The following AHSA1 variants were observed in gnomAD, a reference collection of about 807,000 sequenced individuals.
AHSA1 encodes activator of HSP90 ATPase activity 1, also known as activator of 90 kDa heat shock protein ATPase homolog 1.
Under a neutral mutation model 46.1 loss-of-function variants are expected in AHSA1, and 14 were observed. The ratio of observed to expected loss-of-function variants is 0.30; its 90% CI spans 0.20 to 0.47. AHSA1 has a LOEUF of 0.47. Ranked by LOEUF, AHSA1 falls within the 20% of genes least tolerant of loss-of-function variation. The probability of loss-of-function intolerance (pLI) is 0.99; values close to 1 mark genes in which losing one functional copy is unlikely to be tolerated. For synonymous variants in AHSA1, 147 were observed against 145.8 expected, an observed-to-expected ratio of 1.01 and a Z score of -0.06; for missense variants, 333 against 415.9, an observed-to-expected ratio of 0.80 and a Z score of 1.73.
intron 2 of AHSA1, 88 bp from the exon 3 acceptor site, chr14:77,462,069 AAGC>A: frequency 3.3e-6 from 3 of 903,194 alleles, no homozygotes; most frequent in East Asian, 5.1e-5. Flanking sequence ...AGCCATCCAA[AAGC>A]AGCAGAAGTG....
intron 5 of AHSA1, among the ~76,000 whole-genome samples, chr14:77,465,281 A>G (rs184442813): frequency 1.3e-4 from 20 of 152,332 alleles, no homozygotes; most frequent in African/African-American, 4.8e-4. Flanking sequence ...AAATATCTCA[A>G]TGATTTGATT....
chr14:77,461,960 T>A (rs1269641932), intron 2 of AHSA1, among the ~76,000 whole-genome samples, 200 bp from the exon 3 acceptor site: 1 of 152,216 alleles, frequency 6.6e-6, no homozygotes, highest in African/African-American at 2.4e-5. Flanking sequence ...ATAACATAGT[T>A]GGTTTCCAGT....
In AHSA1 at chr14:77,463,999, G is replaced by A. The variant is rs147043637; in HGVS notation, c.473-599G>A. ...ACTCTTGAAGTCATCAAAGTGCCAC[G>A]GCGTTCACGCCATCCTTCCATAGTA... On this transcript the variant is annotated intron_variant, in intron 4 of 8. Coordinates refer to ENST00000216479, the MANE Select transcript of AHSA1 (RefSeq NM_012111.3). Among the ~76,000 whole-genome samples the A allele has an allele frequency of 4.2e-3, 639 of 152,376 alleles. 3 individuals are homozygous for A. The highest frequency in any genetic ancestry group is 7.7e-3 in the Non-Finnish European group (524 of 68,034).
intron 4 of AHSA1, 26 bp downstream of exon 4, chr14:77,462,785 C>T (rs747762842): frequency 6.9e-6 from 11 of 1,588,152 alleles, no homozygotes; most frequent in Non-Finnish European, 8.6e-6. Context: ...TTCTGTATGC[C>T]TTAAGGAGGT....
intron 1 of AHSA1, among the ~76,000 whole-genome samples, chr14:77,459,341 C>T (rs538509439): frequency 6.6e-6 from 1 of 152,300 alleles, no homozygotes; most frequent in African/African-American, 2.4e-5. Flanking sequence ...GTTAAAGTAT[C>T]AAGTATTCCC....
At position 77,459,540 on chromosome 14, in the gene AHSA1, A is replaced by T. The variant is rs553264555; in HGVS notation, c.81-76A>T. 28 of 1,480,158 alleles carry T rather than the reference A, an allele frequency of 1.9e-5. No homozygotes were observed. The Admixed American group carries it at 4.4e-4, about 23-fold the overall frequency. The allele number at this position is 1,480,158 out of a possible 1,614,324, so 91.7% of individuals were successfully genotyped here. On this transcript the variant is annotated intron_variant, in intron 1 of 8. Transcript: ENST00000216479. ...TCAAACTATTTGTCAGGCCTCCTTTAACCTCGTATTCTCTTGCATAGAGCA... is the reference window on the plus strand; with the variant it reads ...TCAAACTATTTGTCAGGCCTCCTTTTACCTCGTATTCTCTTGCATAGAGCA...
chr14:77,469,329 G>T lies in AHSA1; in HGVS notation c.*80G>T. ...ACTGGGGCTTGCGACTCACAGGATT[G>T]CATCGTCCCAGCTGCTAACTTGGGG... On this transcript the variant is annotated 3_prime_UTR_variant, in exon 9 of 9. Transcript: ENST00000216479. The T allele has an allele frequency of 3.3e-6, 5 of 1,533,356 alleles. No homozygotes were observed. Among genetic ancestry groups the T allele is most frequent in the Non-Finnish European group, 3.5e-6 (4 of 1,134,486 alleles). 95.0% of individuals were successfully genotyped at this position (1,533,356 alleles called of 1,614,324 possible). A position where few individuals can be genotyped will look rare whatever the true frequency, so the allele number is the denominator to read the frequency against.
In AHSA1 at chr14:77,464,700, C is replaced by T. The variant is rs2079040464; in HGVS notation, c.561+14C>T. 6.2e-7 allele frequency: 1 copy of T among 1,610,040 alleles called. No individual in the cohort carries two copies. Among genetic ancestry groups the T allele is most frequent in the Non-Finnish European group, 8.5e-7 (1 of 1,178,218 alleles). On this transcript the variant is annotated intron_variant, in intron 5 of 8. Transcript: ENST00000216479. ...GAGGAGCGCAAGGTAAATGGTTTTC[C>T]TGGGGTGGGAGACTGTCTGCAAAGG...
At chr14:77,462,331 C>A (rs1054709436) in intron 3 of AHSA1, 89 bp downstream of exon 3, 3 of 1,318,694 alleles carry the variant, frequency 2.3e-6, no homozygotes, top group Non-Finnish European at 3.2e-6. Flanking sequence ...ATTCATAGCC[C>A]AGGCTTGGTC....
chr14:77,468,102 A>G lies in AHSA1; in HGVS notation c.710A>G (p.His237Arg), dbSNP rs1769738301. The G allele has an allele frequency of 3.4e-6, 5 of 1,485,116 alleles. No individual in the cohort carries two copies. Among genetic ancestry groups the G allele is most frequent in the Non-Finnish European group, 4.5e-6 (5 of 1,112,410 alleles). 92.0% of individuals were successfully genotyped at this position (1,485,116 alleles called of 1,614,324 possible). A position where few individuals can be genotyped will look rare whatever the true frequency, so the allele number is the denominator to read the frequency against. Reference protein sequence around the residue: ...TTQELVQAFTHAPATLEADRG... With the variant: ...TTQELVQAFTRAPATLEADRG... The stretch of plus-strand genomic sequence containing the variant: ...CTGCAGCTGGTGCAGGCCTTTACCC[A>G]TGCTCCTGCAACATTAGAAGCAGAC... Residue 237 changes from histidine to arginine, a missense_variant, in exon 7 of 9, where the codon CAT (histidine) becomes CGT (arginine). Coordinates refer to ENST00000216479, the MANE Select transcript of AHSA1 (RefSeq NM_012111.3).
intron 7 of AHSA1, 98 bp from the exon 8 acceptor site, chr14:77,468,359 C>A: frequency 1.6e-6 from 2 of 1,273,958 alleles, no homozygotes; most frequent in Non-Finnish European, 2.2e-6. Context: ...TATAATTGCA[C>A]AGATGGTAGA....
At chr14:77,461,019 C>T (rs546702225) in intron 2 of AHSA1, among the ~76,000 whole-genome samples, 24 of 151,718 alleles carry the variant, frequency 1.6e-4, no homozygotes, top group South Asian at 6.2e-4. Context: ...ATTAGCCCGG[C>T]GTGGTGGCAT....
chr14:77,467,112 G>A (rs1184377498), intron 6 of AHSA1, among the ~76,000 whole-genome samples: 1 of 152,116 alleles, frequency 6.6e-6, no homozygotes, highest in African/African-American at 2.4e-5. Flanking sequence ...CATATATATG[G>A]AGTAGGCCAG....
intron 6 of AHSA1, among the ~76,000 whole-genome samples, chr14:77,466,661 A>G (rs556294608): frequency 6.6e-6 from 1 of 152,366 alleles, no homozygotes; most frequent in South Asian, 2.1e-4. Flanking sequence ...AGAACTGGAG[A>G]AGCAATTAAA....
chr14:77,458,344 G>C lies in AHSA1; in HGVS notation c.80+75G>C. ...GGGTTTCAGGGTTCCTAGAACCTCG[G>C]CCCGGACAGAGCTGGGGCTGAGGTA... On this transcript the variant is annotated intron_variant, in intron 1 of 8. Transcript: ENST00000216479. 3 of 1,471,356 alleles carry C rather than the reference G, an allele frequency of 2.0e-6. 1 individual carries two copies. The South Asian group carries it at 3.8e-5, about 18-fold the overall frequency. 91.1% of individuals were successfully genotyped at this position (1,471,356 alleles called of 1,614,324 possible).
intron 4 of AHSA1, among the ~76,000 whole-genome samples, 184 bp from the exon 5 acceptor site, chr14:77,464,414 C>G (rs1594939914): frequency 1.3e-5 from 2 of 152,246 alleles, no homozygotes; most frequent in Middle Eastern, 6.8e-3. Flanking sequence ...ATACTGTATT[C>G]TATAGCATAT....
chr14:77,457,977 C>A (rs536504789), upstream of AHSA1: 1 of 529,456 alleles, frequency 1.9e-6, no homozygotes, highest in African/African-American at 2.0e-5. Flanking sequence ...TCAGGCGGAA[C>A]CCACGGTGCG....
intron 6 of AHSA1, among the ~76,000 whole-genome samples, chr14:77,467,052 G>C (rs2079050436): frequency 6.6e-6 from 1 of 152,158 alleles, no homozygotes; most frequent in African/African-American, 2.4e-5. Context: ...CTTATTAAAA[G>C]TAAAAGCGGC....
At position 77,469,264 on chromosome 14, in the gene AHSA1, G is replaced by A. The variant is rs528306774; in HGVS notation, c.*15G>A. 36 of 1,612,738 alleles carry A rather than the reference G, an allele frequency of 2.2e-5. 1 individual carries two copies. The South Asian group carries it at 3.7e-4, about 17-fold the overall frequency. On this transcript the variant is annotated 3_prime_UTR_variant, in exon 9 of 9. Coordinates refer to ENST00000216479, the MANE Select transcript of AHSA1 (RefSeq NM_012111.3). ...GCTTATTTTAGGGCCAGCGGCAGGG[G>A]ACTCCAGCCTGCTGGACACTTCAGT...
Sources: allele counts gnomAD v4.1 joint callset (sites outside exome capture counted in the v4.1 genomes callset), GRCh38; gene constraint gnomAD v4.1.1; transcripts MANE v1.5; gene names NCBI Gene and HGNC (gene_info 2026-07-23, HGNC 2026-07-21).